TMEM38B: variants seen among roughly 807,000 people sequenced by gnomAD.
TMEM38B encodes the protein transmembrane protein 38B.
A neutral mutation model predicts 28.7 loss-of-function variants in TMEM38B; 24 were observed. The observed-to-expected ratio is 0.84, with a 90% confidence interval of 0.61 to 1.18. TMEM38B has a LOEUF of 1.18. Ranked by LOEUF, TMEM38B falls within the 50% of genes most tolerant of loss-of-function variation. The probability of loss-of-function intolerance (pLI) is 0.00; values close to 1 mark genes in which losing one functional copy is unlikely to be tolerated. For missense variants in TMEM38B, 380 were observed against 350.9 expected, an observed-to-expected ratio of 1.08 and a Z score of -0.66; for synonymous variants, 131 against 127.7, an observed-to-expected ratio of 1.03 and a Z score of -0.17.
chr9:105,709,354 A>G (rs1835808891), intron 2 of TMEM38B, among the ~76,000 whole-genome samples: 1 of 152,192 alleles, frequency 6.6e-6, no homozygotes, highest in Non-Finnish European at 1.5e-5. Context: ...ATGGGATCAG[A>G]CAAACACGGG....
At chr9:105,759,654 A>G in intron 5 of TMEM38B, 4 of 1,602,756 alleles carry the variant, frequency 2.5e-6, no homozygotes, top group African/African-American at 1.3e-5. Flanking sequence ...AATCTTTTCC[A>G]AACATAGAAG....
At chr9:105,707,404 A>G (rs974009766) in intron 2 of TMEM38B, among the ~76,000 whole-genome samples, 13 of 152,160 alleles carry the variant, frequency 8.5e-5, no homozygotes, top group Non-Finnish European at 1.8e-4. Flanking sequence ...AAAATAATCT[A>G]TAATAAAAAT....
chr9:105,736,055 GTTTTT>G lies in TMEM38B; in HGVS notation c.543-12008_543-12004del, dbSNP rs59000736. Among the ~76,000 whole-genome samples the G allele has an allele frequency of 2.0e-3, 278 of 135,764 alleles. 1 individual carries two copies. Among genetic ancestry groups the G allele is most frequent in the African/African-American group, 7.2e-3 (273 of 37,872 alleles). The allele number at this position is 135,764 out of a possible 152,430, so 89.1% of individuals were successfully genotyped here. The stretch of plus-strand genomic sequence containing the variant: ...TGACTAACTAAAACACATTTTTTTT[GTTTTT>G]TTTTTTTTTGGTAGAGATAGGATCT... On this transcript the variant is annotated intron_variant, in intron 4 of 5. Coordinates refer to ENST00000374692, the MANE Select transcript of TMEM38B (RefSeq NM_018112.3).
chr9:105,711,558 A>C (rs1835903912), intron 2 of TMEM38B, among the ~76,000 whole-genome samples: 1 of 150,584 alleles, frequency 6.6e-6, no homozygotes. Flanking sequence ...AAGAAATACA[A>C]CTTTGCGCCT....
At chr9:105,758,136 A>G (rs1837901408) in intron 5 of TMEM38B, 6 of 534,566 alleles carry the variant, frequency 1.1e-5, no homozygotes, top group Admixed American at 5.6e-5. Flanking sequence ...CTTCGCTGCC[A>G]TGGACGCCAG....
chr9:105,723,680 A>C (rs1836408300), intron 4 of TMEM38B, among the ~76,000 whole-genome samples: 1 of 152,012 alleles, frequency 6.6e-6, no homozygotes, highest in South Asian at 2.1e-4. Context: ...TACAGATGTG[A>C]AGCACCACAC....
At chr9:105,746,182 T>C (rs1218479520) in intron 4 of TMEM38B, among the ~76,000 whole-genome samples, 1 of 152,092 alleles carries the variant, frequency 6.6e-6, no homozygotes, top group Non-Finnish European at 1.5e-5. Context: ...AGTATGGCCA[T>C]TTTCACGATA....
intron 1 of TMEM38B, chr9:105,700,937 A>T (rs1195354037): frequency 6.6e-6 from 1 of 152,110 alleles, no homozygotes; most frequent in Non-Finnish European, 1.5e-5. Context: ...TTAAAGAGCC[A>T]GAGGCCATGT....
intron 5 of TMEM38B, among the ~76,000 whole-genome samples, chr9:105,769,537 A>C (rs1359782027): frequency 6.6e-6 from 1 of 152,070 alleles, no homozygotes; most frequent in East Asian, 1.9e-4. Flanking sequence ...GCTGGTCTCA[A>C]ACTTGGACTC....
chr9:105,694,821 C>CCTCGCCGTCAG, intron 1 of TMEM38B, 49 bp downstream of exon 1: 1 of 547,454 alleles, frequency 1.8e-6, no homozygotes, highest in Non-Finnish European at 2.7e-6. Context: ...CTCCTGACGG[C>CCTCGCCGTCAG]GAGGACCGTC....
At chr9:105,756,409 G>A (rs1290550881) in intron 5 of TMEM38B, among the ~76,000 whole-genome samples, 1 of 152,078 alleles carries the variant, frequency 6.6e-6, no homozygotes, top group Non-Finnish European at 1.5e-5. Context: ...GTTGGCTGTG[G>A]GTTTTTCCTA....
At chr9:105,760,178 T>G (rs919904508) in intron 5 of TMEM38B, 4 of 915,416 alleles carry the variant, frequency 4.4e-6, no homozygotes, top group Non-Finnish European at 7.3e-6. Flanking sequence ...CAACTTTTAA[T>G]GCGTATGATT....
chr9:105,715,586 T>C (rs1324529377), intron 2 of TMEM38B, among the ~76,000 whole-genome samples: 1 of 152,158 alleles, frequency 6.6e-6, no homozygotes, highest in African/African-American at 2.4e-5. Context: ...TCTAAAAAAA[T>C]TAACCTGCTT....
chr9:105,713,036 A>G (rs61450174), intron 2 of TMEM38B, among the ~76,000 whole-genome samples: 3,302 of 152,336 alleles, frequency 0.022, 128 homozygotes, highest in African/African-American at 0.074. Flanking sequence ...GCCATGCACC[A>G]CGGAGCAGAG....
At chr9:105,740,154 CT>C (rs1837143931) in intron 4 of TMEM38B, among the ~76,000 whole-genome samples, 2 of 151,828 alleles carry the variant, frequency 1.3e-5, no homozygotes, top group African/African-American at 4.8e-5. Flanking sequence ...AAGTGTTGGG[CT>C]TACAGGTGTG....
chr9:105,708,586 C>T (rs1378430970), intron 2 of TMEM38B, among the ~76,000 whole-genome samples: 4 of 152,130 alleles, frequency 2.6e-5, no homozygotes, highest in Admixed American at 1.3e-4. Context: ...TTTTATGTAA[C>T]GTCTTACAAC....
At chr9:105,711,833 A>AAAAT (rs1322346893) in intron 2 of TMEM38B, among the ~76,000 whole-genome samples, 2 of 151,990 alleles carry the variant, frequency 1.3e-5, no homozygotes, top group Non-Finnish European at 2.9e-5. Flanking sequence ...AAAAAAAAAA[A>AAAAT]AAAGATAAGA....
At chr9:105,715,902 G>C (rs1836082381) in intron 2 of TMEM38B, among the ~76,000 whole-genome samples, 1 of 151,896 alleles carries the variant, frequency 6.6e-6, no homozygotes, top group African/African-American at 2.4e-5. Flanking sequence ...GATTTATTCT[G>C]CTTATTTTTT....
chr9:105,694,768 G>T lies in TMEM38B; in HGVS notation c.108G>T (p.Gln36His). The change falls in exon 1 of 6, where the codon CAG becomes CAT. Residue 36 changes from glutamine (Q) to histidine (H), a missense_variant. Gln to His is a conservative substitution (Grantham distance 24). Coordinates refer to ENST00000374692, the MANE Select transcript of TMEM38B (RefSeq NM_018112.3). ...YLVSVMAVKR[Q>H]PGAAALAWKN... Reference sequence around the variant, plus strand: ...TGTCAGTGATGGCGGTGAAACGTCAGCCGGGTGAGTGCGGGGCGCCGCGGG... The same window carrying T: ...TGTCAGTGATGGCGGTGAAACGTCATCCGGGTGAGTGCGGGGCGCCGCGGG... 3 of 1,611,818 alleles carry T rather than the reference G, an allele frequency of 1.9e-6. No individual in the cohort carries two copies. The highest frequency in any genetic ancestry group is 2.5e-6 in the Non-Finnish European group (3 of 1,178,994).
Sources: gnomAD v4.1 joint callset for allele counts (sites outside exome capture counted in the v4.1 genomes callset) on GRCh38, gnomAD v4.1.1 for gene constraint, MANE v1.5 for transcripts, NCBI Gene and HGNC (gene_info 2026-07-23, HGNC 2026-07-21) for gene names.